Variants in MYT1L observed in about 807,000 individuals in gnomAD.
The protein encoded by MYT1L is myelin transcription factor 1 like.
In MYT1L, 12 loss-of-function variants were observed where a neutral mutation model predicts 126.7. The observed-to-expected ratio is 0.09, with a 90% CI of 0.06 to 0.15. MYT1L has a LOEUF of 0.15. Ranked by LOEUF, MYT1L falls within the 10% of genes least tolerant of loss-of-function variation. The pLI, the probability that MYT1L is intolerant of heterozygous loss-of-function variation, is 1.00. For missense variants in MYT1L, 979 were observed against 1,585.2 expected (o/e 0.62, Z 6.49); for synonymous variants, 541 against 604.2 (o/e 0.90, Z 1.53).
chr2:2,276,663 G>A (rs2095363833), intron 2 of MYT1L, among the ~76,000 whole-genome samples: 1 of 152,122 alleles, frequency 6.6e-6, no homozygotes, highest in Non-Finnish European at 1.5e-5. Context: ...AAAGCAGCTT[G>A]GGAAGGCTGA....
intron 2 of MYT1L, among the ~76,000 whole-genome samples, chr2:2,202,040 A>G (rs939557110): frequency 1.3e-5 from 2 of 152,138 alleles, no homozygotes; most frequent in East Asian, 1.9e-4. Flanking sequence ...ATAACGAAAT[A>G]AAGGCAGAAA....
rs566309453 is a variant in MYT1L at position 1,810,843 on chromosome 2, G to T, written c.3081-1676C>A. Among the ~76,000 whole-genome samples, 27 of 152,098 alleles carry T rather than the reference G, an allele frequency of 1.8e-4. No individual in the cohort carries two copies. The South Asian group carries it at 5.6e-3, about 32-fold the overall frequency. On this transcript the variant is annotated intron_variant, in intron 21 of 24. Coordinates refer to ENST00000647738, the MANE Select transcript of MYT1L (RefSeq NM_001303052.2). Reference sequence around the variant, plus strand: ...CACAGGTCTAAGTTGTTATTTTTTTGATGTGATGTTTGCATCTCATAATTA... The same window carrying T: ...CACAGGTCTAAGTTGTTATTTTTTTTATGTGATGTTTGCATCTCATAATTA...
intron 3 of MYT1L, among the ~76,000 whole-genome samples, chr2:2,076,497 T>G (rs1021195707): frequency 2.6e-5 from 4 of 152,104 alleles, no homozygotes; most frequent in African/African-American, 9.7e-5. Flanking sequence ...AAGCCAGGCC[T>G]TAAAAACTAA....
chr2:2,053,669 G>A (rs1433632913), intron 4 of MYT1L, among the ~76,000 whole-genome samples: 1 of 152,146 alleles, frequency 6.6e-6, no homozygotes, highest in Non-Finnish European at 1.5e-5. Context: ...GTACAAGGGA[G>A]CTTCTCTATG....
At chr2:2,225,069 C>T (rs901536925) in intron 2 of MYT1L, among the ~76,000 whole-genome samples, 1 of 151,910 alleles carries the variant, frequency 6.6e-6, no homozygotes, top group Non-Finnish European at 1.5e-5. Context: ...TCTAAGACAT[C>T]CACCTTTAGA....
At chr2:1,893,612 G>A (rs4853823) in intron 14 of MYT1L, among the ~76,000 whole-genome samples, 5,942 of 152,284 alleles carry the variant, frequency 0.039, 144 homozygotes, top group East Asian at 0.077. Context: ...GGGAGACCTC[G>A]CAGTTGGTCA....
chr2:2,295,813 G>GAC (rs2095683882), intron 1 of MYT1L, among the ~76,000 whole-genome samples: 2 of 147,688 alleles, frequency 1.4e-5, no homozygotes, highest in South Asian at 2.2e-4. Flanking sequence ...GAGAGAGAGA[G>GAC]ACAGAGGATG....
intron 3 of MYT1L, among the ~76,000 whole-genome samples, chr2:2,072,322 T>A (rs2074698391): frequency 6.6e-6 from 1 of 152,248 alleles, no homozygotes; most frequent in Non-Finnish European, 1.5e-5. Flanking sequence ...AAATGTATGC[T>A]GAGCACTTCA....
intron 3 of MYT1L, among the ~76,000 whole-genome samples, chr2:2,109,040 G>A (rs983648098): frequency 1.3e-5 from 2 of 152,212 alleles, no homozygotes. Context: ...AAGAGACACA[G>A]CACACATTAG....
At position 2,114,073 on chromosome 2, in the gene MYT1L, T is replaced by C. The variant is rs113158922; in HGVS notation, c.-304+58799A>G. The stretch of plus-strand genomic sequence containing the variant: ...TATGAAAACATTACTGCCTCCATTA[T>C]ACAGATAGGAAAATAGACTCAGAGG... On this transcript the variant is annotated intron_variant, in intron 3 of 24. Transcript: ENST00000647738. 2.1e-3 allele frequency among the ~76,000 whole-genome samples: 314 copies of C among 148,340 alleles called. 8 individuals are homozygous for C. Among genetic ancestry groups the C allele is most frequent in the African/African-American group, 7.8e-3 (294 of 37,926 alleles).
At chr2:2,068,632 T>C (rs1271860915) in intron 3 of MYT1L, among the ~76,000 whole-genome samples, 2 of 151,760 alleles carry the variant, frequency 1.3e-5, no homozygotes, top group Admixed American at 6.6e-5. Flanking sequence ...TGAAAGATAA[T>C]AGTATTTCCC....
At chr2:2,286,401 C>A (rs779470030) in intron 1 of MYT1L, among the ~76,000 whole-genome samples, 1 of 152,092 alleles carries the variant, frequency 6.6e-6, no homozygotes, top group Non-Finnish European at 1.5e-5. Flanking sequence ...TCATTCATTA[C>A]TAAAATGTGG....
At chr2:2,326,767 A>G (rs1358042855) in intron 1 of MYT1L, 1 of 152,248 alleles carries the variant, frequency 6.6e-6, no homozygotes, top group Non-Finnish European at 1.5e-5. Context: ...TTACTTCTAC[A>G]GATACCCTGA....
intron 4 of MYT1L, among the ~76,000 whole-genome samples, chr2:2,000,845 G>A (rs2062296389): frequency 1.3e-5 from 2 of 152,140 alleles, no homozygotes; most frequent in African/African-American, 2.4e-5. Context: ...AGGCCCTGAG[G>A]CTATTTTATT....
At position 2,040,872 on chromosome 2, in the gene MYT1L, T is replaced by C. The variant is rs79795492; in HGVS notation, c.-158+13106A>G. Among the ~76,000 whole-genome samples the C allele has an allele frequency of 1.2e-3, 185 of 152,330 alleles. 1 individual carries two copies. The highest frequency in any genetic ancestry group is 4.1e-3 in the African/African-American group (171 of 41,576). ...ACTATAATTAACTGGTTTCTACTTTTCTACTTGCATTTGTTGAAATTGCTA... is the reference window on the plus strand; with the variant it reads ...ACTATAATTAACTGGTTTCTACTTTCCTACTTGCATTTGTTGAAATTGCTA... On this transcript the variant is annotated intron_variant, in intron 4 of 24. Transcript: ENST00000647738.
intron 3 of MYT1L, among the ~76,000 whole-genome samples, chr2:2,078,255 C>A (rs2075431668): frequency 1.3e-5 from 2 of 151,712 alleles, no homozygotes; most frequent in African/African-American, 2.4e-5. Context: ...AAGAATATGG[C>A]AAAAATAGGG....
chr2:1,942,360 C>G (rs1299366086), intron 9 of MYT1L, among the ~76,000 whole-genome samples: 1 of 152,214 alleles, frequency 6.6e-6, no homozygotes, highest in Non-Finnish European at 1.5e-5. Flanking sequence ...GGCCTTCTCC[C>G]TGGCATGTCT....
At chr2:2,096,524 CA>C (rs1279606749) in intron 3 of MYT1L, among the ~76,000 whole-genome samples, 1 of 152,172 alleles carries the variant, frequency 6.6e-6, no homozygotes, top group African/African-American at 2.4e-5. Flanking sequence ...TCCAAATAAC[CA>C]AAATGCCTCA....
Position 2,205,531 on chromosome 2 carries a change from C to T in MYT1L, c.-420-32543G>A, listed in dbSNP as rs137949775. Among the ~76,000 whole-genome samples, 7 of 152,254 alleles carry T rather than the reference C, an allele frequency of 4.6e-5. No individual in the cohort carries two copies. In the East Asian group the frequency reaches 1.2e-3, roughly 25 times the overall value. The stretch of plus-strand genomic sequence containing the variant: ...GCATATAATGTAGTCAGGGGAACAT[C>T]CAAACTCAATCATACTCATTCCTAG... On this transcript the variant is annotated intron_variant, in intron 2 of 24. Coordinates refer to ENST00000647738, the MANE Select transcript of MYT1L (RefSeq NM_001303052.2).
Sources: allele counts gnomAD v4.1 joint callset (sites outside exome capture counted in the v4.1 genomes callset), GRCh38; gene constraint gnomAD v4.1.1; transcripts MANE v1.5; gene names NCBI Gene and HGNC (gene_info 2026-07-23, HGNC 2026-07-21).